Variants in WDR1 observed in about 807,000 individuals in gnomAD.
The protein encoded by WDR1 is WD repeat domain 1.
Under a neutral mutation model 71.9 loss-of-function variants are expected in WDR1, and 21 were observed. The observed-to-expected ratio is 0.29, with a 90% CI of 0.21 to 0.42. WDR1 has a LOEUF of 0.42. Among genes scored for constraint, WDR1 ranks in the 10% least tolerant of loss-of-function variants. The pLI is 1.00. For missense variants in WDR1, 696 were observed against 824.5 expected (o/e 0.84, Z 1.91); for synonymous variants, 424 against 347.4 (o/e 1.22, Z -2.45).
chr4:10,090,381 A>C (rs962626646), intron 5 of WDR1, among the ~76,000 whole-genome samples: 2 of 152,156 alleles, frequency 1.3e-5, no homozygotes, highest in African/African-American at 4.8e-5. Flanking sequence ...ACTCAAGGAA[A>C]TCGATGTCCC....
At chr4:10,091,212 A>T (rs1711956072) in intron 5 of WDR1, among the ~76,000 whole-genome samples, 1 of 152,268 alleles carries the variant, frequency 6.6e-6, no homozygotes, top group African/African-American at 2.4e-5. Context: ...CTTGTGTTTA[A>T]GCGCAGTTCT....
chr4:10,096,501 A>T (rs1578434717), intron 5 of WDR1: 1 of 152,140 alleles, frequency 6.6e-6, no homozygotes, highest in Admixed American at 6.5e-5. Flanking sequence ...CTATGCTTTC[A>T]CCTGCCCAGC....
chr4:10,075,330 A>T lies in WDR1; in HGVS notation c.*48T>A. 2 of 1,554,256 alleles carry T rather than the reference A, an allele frequency of 1.3e-6. No homozygotes were observed. The highest frequency in any genetic ancestry group is 1.8e-6 in the Non-Finnish European group (2 of 1,126,806). ...AGAAATGACATGTTCCGCTGCAGTT[A>T]AACTCTAGTCCCTGATTCGGTCCAT... is the stretch of plus-strand genomic sequence containing the variant. On this transcript the variant is annotated 3_prime_UTR_variant, in exon 15 of 15. Transcript: ENST00000499869.
intron 2 of WDR1, among the ~76,000 whole-genome samples, chr4:10,113,617 G>T (rs1305633710): frequency 6.6e-6 from 1 of 152,208 alleles, no homozygotes; most frequent in Non-Finnish European, 1.5e-5. Context: ...GGGCAACAAG[G>T]GTGAAAGCAA....
intron 2 of WDR1, among the ~76,000 whole-genome samples, chr4:10,107,063 C>T (rs1000965239): frequency 7.9e-5 from 12 of 152,106 alleles, no homozygotes; most frequent in Admixed American, 6.5e-5. Flanking sequence ...ATGGGGAAAA[C>T]GAGACAGGGA....
Position 10,079,014 on chromosome 4 carries a change from C to CA in WDR1, c.1285-14dup. 1 of 1,587,920 alleles carries CA rather than the reference C, an allele frequency of 6.3e-7. No homozygotes were observed. The highest frequency in any genetic ancestry group is 8.6e-7 in the Non-Finnish European group (1 of 1,164,228). ...TCAGCAGGACAATCTGTGGCACACA[C>CA]AGGCAGCTGGTCAGGCGGTCCAGCC... On this transcript the variant is annotated splice_polypyrimidine_tract_variant and intron_variant, in intron 11 of 14. Transcript: ENST00000499869.
At chr4:10,107,195 C>T (rs561557688) in intron 2 of WDR1, among the ~76,000 whole-genome samples, 3 of 152,128 alleles carry the variant, frequency 2.0e-5, no homozygotes, top group Non-Finnish European at 4.4e-5. Flanking sequence ...CTCAGGGACA[C>T]CCCTCCTCCC....
intron 11 of WDR1, among the ~76,000 whole-genome samples, chr4:10,081,089 GA>G (rs1240918002): frequency 6.6e-6 from 1 of 152,206 alleles, no homozygotes; most frequent in Non-Finnish European, 1.5e-5. Flanking sequence ...AGCGTGGTCT[GA>G]GGCTTAGAGA....
intron 8 of WDR1, among the ~76,000 whole-genome samples, chr4:10,085,546 C>A (rs1765176985): frequency 6.6e-6 from 1 of 152,232 alleles, no homozygotes; most frequent in Non-Finnish European, 1.5e-5. Context: ...ACCAGCAGGG[C>A]TCAGGCCCAC....
chr4:10,088,427 AAGC>A (rs756896936), intron 6 of WDR1, 54 bp from the exon 7 acceptor site: 37 of 1,504,982 alleles, frequency 2.5e-5, no homozygotes, highest in Middle Eastern at 1.7e-4. Context: ...CCTCTGGAGT[AAGC>A]AGTTTCTCCA....
chr4:10,116,286 G>A (rs1218117423), intron 1 of WDR1, 52 bp from the exon 2 acceptor site: 6 of 1,609,828 alleles, frequency 3.7e-6, no homozygotes, highest in Admixed American at 1.7e-5. Flanking sequence ...GGGGACGGCG[G>A]GGACAGAAGG....
intron 6 of WDR1, 141 bp from the exon 7 acceptor site, chr4:10,088,514 C>T: frequency 8.9e-7 from 1 of 1,125,994 alleles, no homozygotes; most frequent in Non-Finnish European, 1.3e-6. Context: ...CATGCATTTA[C>T]TGGGCTCTGA....
At chr4:10,095,979 C>T (rs572278540) in intron 5 of WDR1, 5 of 152,406 alleles carry the variant, frequency 3.3e-5, no homozygotes, top group South Asian at 2.1e-4. Flanking sequence ...ACATTTGTAC[C>T]CAACACTCCT....
chr4:10,082,891 G>A (rs757848414), intron 10 of WDR1, 131 bp downstream of exon 10: 21 of 1,211,424 alleles, frequency 1.7e-5, no homozygotes, highest in Non-Finnish European at 2.2e-5. Flanking sequence ...GGAGAACAAT[G>A]CTGGGGACGG....
intron 13 of WDR1, 108 bp downstream of exon 13, chr4:10,077,645 A>C: frequency 6.8e-7 from 1 of 1,465,398 alleles, no homozygotes; most frequent in Non-Finnish European, 9.1e-7. Context: ...AGGCAAGAAA[A>C]CTACAGCTCA....
chr4:10,114,932 A>C (rs960695425), intron 2 of WDR1, among the ~76,000 whole-genome samples: 2 of 152,218 alleles, frequency 1.3e-5, no homozygotes. Context: ...CAGAGCCAGC[A>C]GCTCTTCGGA....
At chr4:10,083,466 C>A in intron 9 of WDR1, 1 of 551,012 alleles carries the variant, frequency 1.8e-6, no homozygotes, top group South Asian at 1.6e-5. Context: ...TCCTCTGCTA[C>A]TAGTTATCGG....
In WDR1 at chr4:10,075,635, T is replaced by C. The variant is rs2109627956; in HGVS notation, c.1715-151A>G. 5.7e-6 allele frequency: 4 copies of C among 698,334 alleles called. No individual in the cohort carries two copies. The East Asian group carries it at 8.2e-5, about 14-fold the overall frequency. The allele number at this position is 698,334 out of a possible 1,614,324, so 43.3% of individuals were successfully genotyped here. A position where few individuals can be genotyped will look rare whatever the true frequency, so the allele number is the denominator to read the frequency against. On this transcript the variant is annotated intron_variant, in intron 14 of 14. Transcript: ENST00000499869. ...GTTGTAACTCAGGAGCCTGGCACGGTGGCAGTGTGGCTGAATTCTCCACGT... is the reference window on the plus strand; with the variant it reads ...GTTGTAACTCAGGAGCCTGGCACGGCGGCAGTGTGGCTGAATTCTCCACGT...
intron 2 of WDR1, among the ~76,000 whole-genome samples, chr4:10,113,342 C>T (rs1053886324): frequency 5.9e-5 from 9 of 152,118 alleles, no homozygotes; most frequent in Non-Finnish European, 7.3e-5. Context: ...GCTTGGGCGA[C>T]AGTAAGCCTC....
Sources: allele counts gnomAD v4.1 joint callset (sites outside exome capture counted in the v4.1 genomes callset), GRCh38; gene constraint gnomAD v4.1.1; transcripts MANE v1.5; gene names NCBI Gene and HGNC (gene_info 2026-07-23, HGNC 2026-07-21).